The following CSMD1 variants were observed in gnomAD, a reference collection of about 807,000 sequenced individuals.
The protein encoded by CSMD1 is CUB and Sushi multiple domains 1, also known as CUB and sushi domain-containing protein 1.
In CSMD1, 213 loss-of-function variants were observed where a neutral mutation model predicts 417.5. The ratio of observed to expected loss-of-function variants is 0.51; its 90% confidence interval spans 0.46 to 0.57. The LOEUF (loss-of-function observed/expected upper bound fraction) is 0.57, where lower values mean the gene tolerates loss of function less well. Among genes scored for constraint, CSMD1 ranks in the 20% least tolerant of loss-of-function variants. CSMD1 has a pLI of 0.00. For missense variants in CSMD1, 6,923 were observed against 4,529.7 expected (o/e 1.53, Z -15.17); for synonymous variants, 2,862 against 1,736.8 (o/e 1.65, Z -16.11).
At chr8:4,000,009 A>G (rs1815541630) in intron 4 of CSMD1, among the ~76,000 whole-genome samples, 1 of 152,256 alleles carries the variant, frequency 6.6e-6, no homozygotes, top group African/African-American at 2.4e-5. Flanking sequence ...TTAAAAGTGT[A>G]AAACCAAACA....
chr8:4,226,440 C>G (rs563477287), intron 3 of CSMD1, among the ~76,000 whole-genome samples: 4 of 152,174 alleles, frequency 2.6e-5, no homozygotes, highest in Admixed American at 2.6e-4. Flanking sequence ...ATTCAGCACA[C>G]AAAAACAGCA....
chr8:3,106,543 G>A lies in CSMD1; in HGVS notation c.6934C>T (p.Leu2312Phe). Residue 2312 changes from leucine to phenylalanine, a missense_variant, in exon 46 of 70, where the codon CTC becomes TTC. By Grantham distance (22) the Leu-to-Phe change is conservative. Transcript: ENST00000635120. ...CAGTGCATACCTTCACATGTTGGGA[G>A]AGAACCCTCAAACTGCAACTGGGAA... ...LSSQLQFEGS[L>F]PTCEAQCPAN... 4 of 1,612,504 alleles carry A rather than the reference G, an allele frequency of 2.5e-6. No individual in the cohort carries two copies. Among genetic ancestry groups the A allele is most frequent in the Non-Finnish European group, 3.4e-6 (4 of 1,178,616 alleles).
At chr8:4,302,618 T>A (rs1238794848) in intron 3 of CSMD1, among the ~76,000 whole-genome samples, 1 of 152,198 alleles carries the variant, frequency 6.6e-6, no homozygotes, top group African/African-American at 2.4e-5. Context: ...CCTATGTTGT[T>A]GTGTTTTTCT....
chr8:4,680,376 C>T (rs1805960985), intron 1 of CSMD1, among the ~76,000 whole-genome samples: 2 of 152,228 alleles, frequency 1.3e-5, no homozygotes, highest in Admixed American at 1.3e-4. Context: ...ACTAATGTTA[C>T]TGTTCAATAC....
chr8:4,198,643 T>C (rs898542212), intron 3 of CSMD1, among the ~76,000 whole-genome samples: 1 of 152,200 alleles, frequency 6.6e-6, no homozygotes, highest in Non-Finnish European at 1.5e-5. Context: ...AATGTCCCAT[T>C]ATCAACATAG....
At chr8:3,839,912 G>A (rs1385548761) in intron 5 of CSMD1, among the ~76,000 whole-genome samples, 1 of 151,972 alleles carries the variant, frequency 6.6e-6, no homozygotes, top group African/African-American at 2.4e-5. Context: ...GTACCTAGAA[G>A]GAATTCACAG....
At position 4,963,459 on chromosome 8, in the gene CSMD1, C is replaced by G. The variant is rs891614145; in HGVS notation, c.85+30873G>C. 2.0e-5 allele frequency among the ~76,000 whole-genome samples: 3 copies of G among 152,290 alleles called. No homozygotes were observed. In the South Asian group the frequency reaches 6.2e-4, roughly 32 times the overall value. On this transcript the variant is annotated intron_variant, in intron 1 of 69. Transcript: ENST00000635120. ...AAGCAATCCACCCACCTCGACCTCCCAAAGTGCTGGGATTACAGGGGTGAG... is the reference window on the plus strand; with the variant it reads ...AAGCAATCCACCCACCTCGACCTCCGAAAGTGCTGGGATTACAGGGGTGAG...
chr8:4,815,796 C>G (rs12677737), intron 1 of CSMD1, among the ~76,000 whole-genome samples: 10,560 of 149,988 alleles, frequency 0.07, 638 homozygotes, highest in East Asian at 0.24. Context: ...AGTAATTTAT[C>G]TTATAAATTA....
intron 23 of CSMD1, among the ~76,000 whole-genome samples, chr8:3,336,571 G>A (rs966389804): frequency 6.6e-6 from 1 of 152,208 alleles, no homozygotes; most frequent in African/African-American, 2.4e-5. Context: ...AGGAACTAGA[G>A]GAAAGATGCT....
chr8:3,612,943 T>A (rs773462984), intron 8 of CSMD1, among the ~76,000 whole-genome samples: 1 of 152,008 alleles, frequency 6.6e-6, no homozygotes, highest in South Asian at 2.1e-4. Context: ...CAGAAATCAA[T>A]GAAATTGAAG....
chr8:4,029,920 C>G (rs867130222), intron 4 of CSMD1, among the ~76,000 whole-genome samples: 2 of 152,138 alleles, frequency 1.3e-5, no homozygotes, highest in African/African-American at 2.4e-5. Flanking sequence ...TCTACTGGCC[C>G]TATGTAAGTA....
intron 3 of CSMD1, among the ~76,000 whole-genome samples, chr8:4,158,928 G>A: frequency 6.6e-6 from 1 of 152,108 alleles, no homozygotes; most frequent in East Asian, 1.9e-4. Context: ...ATTATTATTT[G>A]TTTTTTGAGA....
intron 2 of CSMD1, among the ~76,000 whole-genome samples, chr8:4,442,990 A>G (rs1404928290): frequency 2.6e-5 from 4 of 152,158 alleles, no homozygotes; most frequent in African/African-American, 9.7e-5. Context: ...TCATTGCTTT[A>G]ACTCTTCCAT....
chr8:4,154,260 G>C (rs191878297), intron 3 of CSMD1, among the ~76,000 whole-genome samples: 1 of 147,776 alleles, frequency 6.8e-6, no homozygotes, highest in African/African-American at 2.4e-5. Flanking sequence ...CTGGCAAACA[G>C]TAATGCTAAA....
intron 3 of CSMD1, among the ~76,000 whole-genome samples, chr8:4,287,795 T>C (rs903840018): frequency 7.9e-5 from 12 of 151,802 alleles, no homozygotes; most frequent in African/African-American, 2.7e-4. Context: ...TCATACTATC[T>C]CTCCTCCAAC....
intron 26 of CSMD1, among the ~76,000 whole-genome samples, chr8:3,245,600 C>G (rs960640168): frequency 2.0e-5 from 3 of 152,208 alleles, no homozygotes; most frequent in Non-Finnish European, 2.9e-5. Flanking sequence ...ATGCCTACCC[C>G]TTCCAGGAAA....
intron 25 of CSMD1, among the ~76,000 whole-genome samples, chr8:3,301,237 A>T (rs1260370299): frequency 1.3e-5 from 2 of 152,086 alleles, no homozygotes; most frequent in Admixed American, 6.6e-5. Flanking sequence ...CAGTGGGTGC[A>T]AGGCAGCGTT....
intron 1 of CSMD1, among the ~76,000 whole-genome samples, chr8:4,871,243 G>T (rs1437778077): frequency 6.6e-6 from 1 of 152,038 alleles, no homozygotes; most frequent in African/African-American, 2.4e-5. Flanking sequence ...GCTAGCATGT[G>T]GCTATTGTGA....
At chr8:4,792,444 T>G (rs1368779846) in intron 1 of CSMD1, among the ~76,000 whole-genome samples, 1 of 152,198 alleles carries the variant, frequency 6.6e-6, no homozygotes, top group Non-Finnish European at 1.5e-5. Context: ...AATCAGTCTA[T>G]CTTTGAACTC....
Sources: gnomAD v4.1 joint callset for allele counts (sites outside exome capture counted in the v4.1 genomes callset) on GRCh38, gnomAD v4.1.1 for gene constraint, MANE v1.5 for transcripts, NCBI Gene and HGNC (gene_info 2026-07-23, HGNC 2026-07-21) for gene names.